Variants in ARHGAP35 observed in about 807,000 individuals in gnomAD.
The protein encoded by ARHGAP35 is rho GTPase-activating protein 35.
ARHGAP35 carries 15 observed loss-of-function variants against 111.1 expected under a neutral mutation model. The observed-to-expected ratio is 0.13, with a 90% confidence interval of 0.09 to 0.21. The LOEUF (loss-of-function observed/expected upper bound fraction) is 0.21, where lower values mean the gene tolerates loss of function less well. Among genes scored for constraint, ARHGAP35 ranks in the 10% least tolerant of loss-of-function variants. ARHGAP35 has a pLI of 1.00. For missense variants in ARHGAP35, 1,262 were observed against 1,873.0 expected (o/e 0.67, Z 6.02); for synonymous variants, 643 against 710.3 (o/e 0.91, Z 1.51).
rs2056733405 is a variant in ARHGAP35, at chr19:46,999,347, A to G, written c.4080A>G (p.Val1360=). 2 of 1,596,012 alleles carry G rather than the reference A, an allele frequency of 1.3e-6. No homozygotes were observed. Among genetic ancestry groups the G allele is most frequent in the Non-Finnish European group, 1.7e-6 (2 of 1,171,344 alleles). Residue 1360 remains valine (V), a synonymous_variant, in exon 6 of 7, where the codon GTA becomes GTG. Coordinates refer to ENST00000672722, the MANE Select transcript of ARHGAP35 (RefSeq NM_004491.5). The surrounding 1 kb of genome is among the most constrained non-coding windows in gnomAD (Gnocchi z 5.4). ...AGAAGTTGCATGCCCTTAAGGAGGT[A>G]TTAAAGAAATTTCCAAAGGAAAACC... The part of the protein sequence containing the change: ...REQKLHALKE[V]LKKFPKENHE...
chr19:46,931,595 A>G (rs2056273265), intron 2 of ARHGAP35, among the ~76,000 whole-genome samples: 2 of 152,216 alleles, frequency 1.3e-5, no homozygotes, highest in African/African-American at 4.8e-5. Flanking sequence ...CATGATTAAT[A>G]TCAAGACCAA....
At position 46,920,727 on chromosome 19, in the gene ARHGAP35, C is replaced by T; in HGVS notation, c.2052C>T (p.Ser684=). 6.2e-7 allele frequency: 1 copy of T among 1,613,202 alleles called. No homozygotes were observed. The highest frequency in any genetic ancestry group is 8.5e-7 in the Non-Finnish European group (1 of 1,179,528). Residue 684 remains serine (S), a synonymous_variant, in exon 2 of 7, where the codon TCC becomes TCT. Transcript: ENST00000672722. This position sits in a 1 kb window ranked among gnomAD's most constrained non-coding sequence, Gnocchi z 7.0. ...AAAGTATAGAGAAGAGTAGAGAGTC[C>T]ACGCTGGGCCGGCGGGATAATCATT... The part of the protein sequence containing the change: ...VVESIEKSRE[S]TLGRRDNHLV...
chr19:46,903,591 T>G (rs886107715), intron 1 of ARHGAP35, among the ~76,000 whole-genome samples: 1 of 152,186 alleles, frequency 6.6e-6, no homozygotes, highest in African/African-American at 2.4e-5. Flanking sequence ...CAAGGTGACT[T>G]CCTCTAGCAA....
chr19:46,971,283 G>A (rs779142653), intron 3 of ARHGAP35, among the ~76,000 whole-genome samples: 1 of 151,914 alleles, frequency 6.6e-6, no homozygotes, highest in Non-Finnish European at 1.5e-5. Context: ...GCGTGCGTCT[G>A]TAGTCCCAGC....
chr19:46,974,500 A>G (rs1377391027), intron 3 of ARHGAP35, among the ~76,000 whole-genome samples: 1 of 152,172 alleles, frequency 6.6e-6, no homozygotes, highest in African/African-American at 2.4e-5. Context: ...CTCAGGAACA[A>G]CCAAATGGAA....
At chr19:46,897,786 GC>G (rs2056065137) in intron 1 of ARHGAP35, among the ~76,000 whole-genome samples, 1 of 151,606 alleles carries the variant, frequency 6.6e-6, no homozygotes, top group Admixed American at 6.6e-5. Context: ...AAAAATCTCT[GC>G]CCCATGTGTC....
chr19:46,922,194 C>G lies in ARHGAP35; in HGVS notation c.3519C>G (p.Thr1173=). The G allele has an allele frequency of 1.2e-6, 2 of 1,613,954 alleles. No homozygotes were observed. The highest frequency in any genetic ancestry group is 1.1e-5 in the South Asian group (1 of 91,082). The part of the protein sequence containing the change: ...TRLGRFASYR[T]SFSVGSDDEL... ...TGGGGCGGTTTGCTAGTTACCGGAC[C>G]AGCTTCAGCGTGGGGAGTGATGATG... Residue 1173 remains threonine, a synonymous_variant, in exon 2 of 7, where the codon ACC becomes ACG. Transcript: ENST00000672722. The surrounding 1 kb of genome is among the most constrained non-coding windows in gnomAD (Gnocchi z 4.0).
chr19:46,970,760 A>G (rs1173503829), intron 3 of ARHGAP35, among the ~76,000 whole-genome samples: 1 of 152,230 alleles, frequency 6.6e-6, no homozygotes, highest in Non-Finnish European at 1.5e-5. Context: ...AGAGCCTACA[A>G]AAGGAGGTCA....
At chr19:46,964,395 C>A (rs938501891) in intron 3 of ARHGAP35, among the ~76,000 whole-genome samples, 2 of 151,638 alleles carry the variant, frequency 1.3e-5, no homozygotes, top group Non-Finnish European at 2.9e-5. Context: ...GCTGGGACCA[C>A]AGGCATGCAC....
At chr19:46,955,756 C>A (rs1254258362) in intron 3 of ARHGAP35, among the ~76,000 whole-genome samples, 2 of 152,118 alleles carry the variant, frequency 1.3e-5, no homozygotes, top group Non-Finnish European at 2.9e-5. Context: ...GATTACAGAG[C>A]AACCCTTTAA....
Position 47,001,394 on chromosome 19 carries a change from C to A in ARHGAP35, c.*706C>A. On this transcript the variant is annotated 3_prime_UTR_variant, in exon 7 of 7. Transcript: ENST00000672722. This position sits in a 1 kb window ranked among gnomAD's most constrained non-coding sequence, Gnocchi z 5.4. ...ACACTAGGAGAAAAAATGGAAAAAC[C>A]CTTCCAGTAATTAAAAAGGAAGAAA... 2 of 1,288,000 alleles carry A rather than the reference C, an allele frequency of 1.6e-6. No individual in the cohort carries two copies. The highest frequency in any genetic ancestry group is 1.5e-5 in the African/African-American group (1 of 65,926). The allele number at this position is 1,288,000 out of a possible 1,614,324, so 79.8% of individuals were successfully genotyped here. A position where few individuals can be genotyped will look rare whatever the true frequency, so the allele number is the denominator to read the frequency against.
At chr19:46,882,329 G>T (rs2055966795) in intron 1 of ARHGAP35, among the ~76,000 whole-genome samples, 1 of 151,680 alleles carries the variant, frequency 6.6e-6, no homozygotes, top group Admixed American at 6.6e-5. Context: ...GTAGAGACAG[G>T]ATCAGCGTAT....
At chr19:46,990,995 G>A (rs548489725) in intron 5 of ARHGAP35, among the ~76,000 whole-genome samples, 9 of 152,330 alleles carry the variant, frequency 5.9e-5, no homozygotes, top group Admixed American at 5.2e-4. Flanking sequence ...ACAGGGATGG[G>A]GCAGGAGAGC....
At chr19:46,902,423 A>G (rs934269997) in intron 1 of ARHGAP35, among the ~76,000 whole-genome samples, 1 of 152,166 alleles carries the variant, frequency 6.6e-6, no homozygotes, top group Non-Finnish European at 1.5e-5. Flanking sequence ...GTATTCTACT[A>G]TGGAGTGGGG....
At chr19:46,878,861 G>A (rs1351226469) in intron 1 of ARHGAP35, among the ~76,000 whole-genome samples, 1 of 152,170 alleles carries the variant, frequency 6.6e-6, no homozygotes, top group East Asian at 1.9e-4. Flanking sequence ...CCTTGATGCT[G>A]ATGGCTTCTG....
chr19:46,987,229 T>C (rs1266329656), intron 3 of ARHGAP35, among the ~76,000 whole-genome samples: 1 of 146,556 alleles, frequency 6.8e-6, no homozygotes, highest in Non-Finnish European at 1.5e-5. Flanking sequence ...TTTTTTTTTT[T>C]TTTTTTTGAG....
intron 3 of ARHGAP35, among the ~76,000 whole-genome samples, chr19:46,977,965 C>G (rs1171218750): frequency 6.6e-6 from 1 of 152,168 alleles, no homozygotes; most frequent in Non-Finnish European, 1.5e-5. Flanking sequence ...ATAACAGGAA[C>G]TTAATTTAGT....
At chr19:46,900,267 G>A (rs1414242749) in intron 1 of ARHGAP35, among the ~76,000 whole-genome samples, 4 of 137,084 alleles carry the variant, frequency 2.9e-5, no homozygotes, top group Non-Finnish European at 4.6e-5. Flanking sequence ...TGTCACCCAA[G>A]TTGGAGTGCA....
intron 3 of ARHGAP35, among the ~76,000 whole-genome samples, chr19:46,962,357 A>G (rs962646201): frequency 6.6e-6 from 1 of 152,158 alleles, no homozygotes; most frequent in Non-Finnish European, 1.5e-5. Context: ...AAGACTGGCT[A>G]GTGATGTTGT....
Sources: gnomAD v4.1 joint callset for allele counts (sites outside exome capture counted in the v4.1 genomes callset) on GRCh38, gnomAD v4.1.1 for gene constraint, Gnocchi (gnomAD v3.1) non-coding constraint, MANE v1.5 for transcripts, NCBI Gene and HGNC (gene_info 2026-07-23, HGNC 2026-07-21) for gene names.